PVT1: variants seen among roughly 807,000 people sequenced by gnomAD.
PVT1 encodes the protein CXCR4/PVT1 fusion.
chr8:127,967,331 G>A (rs1816714345), intron 3 of PVT1, among the ~76,000 whole-genome samples: 1 of 152,100 alleles, frequency 6.6e-6, no homozygotes, highest in Admixed American at 6.5e-5. Flanking sequence ...AGAGAAGAGG[G>A]GGGAAGGAGG....
At chr8:127,893,192 GT>G (rs1368367546) in intron 3 of PVT1, among the ~76,000 whole-genome samples, 1 of 152,180 alleles carries the variant, frequency 6.6e-6, no homozygotes, top group Non-Finnish European at 1.5e-5. Flanking sequence ...CATAGCACAT[GT>G]TTTTCCATTC....
intron 4 of PVT1, among the ~76,000 whole-genome samples, chr8:127,996,893 G>C (rs930174849): frequency 6.6e-5 from 10 of 152,080 alleles, no homozygotes; most frequent in African/African-American, 4.8e-5. Context: ...TGGGAAGAAG[G>C]CTCTTGGCTC....
intron 4 of PVT1, among the ~76,000 whole-genome samples, chr8:128,030,781 C>T (rs1563670269): frequency 6.6e-6 from 1 of 152,204 alleles, no homozygotes; most frequent in African/African-American, 2.4e-5. Flanking sequence ...TTGCTCAAAG[C>T]TCATCTCAGC....
chr8:128,008,896 A>G (rs751467648), intron 4 of PVT1: 1 of 519,288 alleles, frequency 1.9e-6, no homozygotes, highest in Non-Finnish European at 4.0e-6. Flanking sequence ...CTTTTTTCAT[A>G]TCAGTGTTCA....
intron 3 of PVT1, among the ~76,000 whole-genome samples, chr8:127,953,441 A>G (rs1027308671): frequency 6.6e-6 from 1 of 152,204 alleles, no homozygotes; most frequent in African/African-American, 2.4e-5. Flanking sequence ...TACCTTTATC[A>G]GGGGATGGCC....
At chr8:127,911,405 G>A (rs754035539) in intron 3 of PVT1, among the ~76,000 whole-genome samples, 31 of 152,194 alleles carry the variant, frequency 2.0e-4, no homozygotes, top group Non-Finnish European at 4.0e-4. Context: ...AGTGGCCGCC[G>A]GTCCCCGGCT....
At chr8:127,915,461 A>G (rs1053603120) in intron 3 of PVT1, among the ~76,000 whole-genome samples, 5 of 151,606 alleles carry the variant, frequency 3.3e-5, no homozygotes, top group Non-Finnish European at 7.4e-5. Flanking sequence ...AAAAATACGA[A>G]ATTAGCCAGG....
At chr8:127,945,632 G>A (rs2129915624) in intron 3 of PVT1, among the ~76,000 whole-genome samples, 1 of 152,242 alleles carries the variant, frequency 6.6e-6, no homozygotes, top group East Asian at 1.9e-4. Flanking sequence ...ACGCTGGTCT[G>A]GTCCATTGCT....
At chr8:127,814,925 C>T (rs1004009583) in intron 2 of PVT1, among the ~76,000 whole-genome samples, 3 of 152,138 alleles carry the variant, frequency 2.0e-5, no homozygotes, top group Non-Finnish European at 4.4e-5. Context: ...TAGTATTCAT[C>T]CTTTTGTGAC....
chr8:128,017,787 A>G (rs1040106614), intron 4 of PVT1, among the ~76,000 whole-genome samples: 41 of 151,982 alleles, frequency 2.7e-4, no homozygotes, highest in Admixed American at 3.3e-4. Context: ...ACACAGCCTC[A>G]TTTATATCGG....
At chr8:127,814,480 C>T (rs911589761) in intron 2 of PVT1, among the ~76,000 whole-genome samples, 9 of 152,160 alleles carry the variant, frequency 5.9e-5, no homozygotes, top group African/African-American at 1.4e-4. Context: ...CTAATTTACT[C>T]TCATTTATTT....
intron 2 of PVT1, among the ~76,000 whole-genome samples, chr8:127,879,439 G>A (rs1234787109): frequency 6.6e-6 from 1 of 152,234 alleles, no homozygotes; most frequent in Non-Finnish European, 1.5e-5. Flanking sequence ...TGAGGCAGGA[G>A]AATCACTTGA....
chr8:128,039,785 AG>A (rs1316246761), intron 4 of PVT1, among the ~76,000 whole-genome samples: 1 of 152,218 alleles, frequency 6.6e-6, no homozygotes, highest in African/African-American at 2.4e-5. Context: ...CAGACCAATC[AG>A]GAGGCTATTG....
rs560113897 is a variant in PVT1, at chr8:127,978,842, A to G, written n.783-10320A>G. Among the ~76,000 whole-genome samples the G allele has an allele frequency of 8.5e-5, 13 of 152,276 alleles. No individual in the cohort carries two copies. In the South Asian group the frequency reaches 1.7e-3, roughly 19 times the overall value. On this transcript the variant is annotated intron_variant and non_coding_transcript_variant, in intron 3 of 10. Transcript: ENST00000651587. Reference sequence around the variant, plus strand: ...GTTTTGCTTTGTTGCCTAGGCTGGAATGCAGTGGCAGAAACATAACTCAGT... The same window carrying G: ...GTTTTGCTTTGTTGCCTAGGCTGGAGTGCAGTGGCAGAAACATAACTCAGT...
chr8:127,866,058 G>A (rs925584804), intron 2 of PVT1, among the ~76,000 whole-genome samples: 2 of 152,130 alleles, frequency 1.3e-5, no homozygotes, highest in Admixed American at 1.3e-4. Context: ...CCCTGCCTCC[G>A]GCTGCCTGGC....
chr8:127,832,658 A>T (rs539480977), intron 2 of PVT1, among the ~76,000 whole-genome samples: 1 of 152,160 alleles, frequency 6.6e-6, no homozygotes, highest in Non-Finnish European at 1.5e-5. Flanking sequence ...GGAGATAGAG[A>T]CCATCCTGGC....
intron 2 of PVT1, among the ~76,000 whole-genome samples, chr8:127,866,243 A>G (rs1008743451): frequency 1.1e-4 from 17 of 151,996 alleles, no homozygotes; most frequent in African/African-American, 3.1e-4. Flanking sequence ...CAGCACCCTC[A>G]TGGTTTTCCA....
chr8:127,947,423 A>G (rs12544761), intron 3 of PVT1: 166,877 of 252,984 alleles, frequency 0.66, 55,840 homozygotes, highest in Middle Eastern at 0.71. Flanking sequence ...AAGTCCCCTC[A>G]TCCTGGACCT....
At position 127,975,584 on chromosome 8, in the gene PVT1, C is replaced by T. The variant is rs199813344; in HGVS notation, n.783-13578C>T. The stretch of plus-strand genomic sequence containing the variant: ...AGCCTTTGTATGAAATTCAGCTTAG[C>T]ACACTGGCCCCTGAGTTTGAAGGCT... On this transcript the variant is annotated intron_variant and non_coding_transcript_variant, in intron 3 of 10. Coordinates refer to ENST00000651587, the Ensembl canonical transcript of PVT1. Among the ~76,000 whole-genome samples, 145 of 152,318 alleles carry T rather than the reference C, an allele frequency of 9.5e-4. 1 individual carries two copies. The highest frequency in any genetic ancestry group is 3.5e-3 in the African/African-American group (144 of 41,566).
Sources: allele counts gnomAD v4.1 joint callset (sites outside exome capture counted in the v4.1 genomes callset), GRCh38; gene constraint gnomAD v4.1.1; transcripts MANE v1.5; gene names NCBI Gene and HGNC (gene_info 2026-07-23, HGNC 2026-07-21).